INPP4A: variants seen among roughly 807,000 people sequenced by gnomAD.
INPP4A encodes the protein inositol polyphosphate-4-phosphatase, type I, 107kD.
INPP4A carries 33 observed loss-of-function variants against 119.8 expected under a neutral mutation model. That is an observed-to-expected ratio of 0.28 (90% CI 0.21 to 0.37). The LOEUF is 0.37. Among genes scored for constraint, INPP4A ranks in the 10% least tolerant of loss-of-function variants. INPP4A has a pLI of 1.00. For missense variants in INPP4A, 956 were observed against 1,289.9 expected (o/e 0.74, Z 3.97); for synonymous variants, 496 against 500.7 (o/e 0.99, Z 0.12).
chr2:98,562,121 C>T (rs1035707332), intron 17 of INPP4A, among the ~76,000 whole-genome samples: 2 of 152,332 alleles, frequency 1.3e-5, no homozygotes, highest in African/African-American at 2.4e-5. Flanking sequence ...CAGTGTCCTT[C>T]GTCACCATGA....
intron 1 of INPP4A, among the ~76,000 whole-genome samples, chr2:98,501,311 G>GCAA (rs919394304): frequency 1.3e-5 from 2 of 152,074 alleles, no homozygotes; most frequent in Admixed American, 1.3e-4. Context: ...TCCAGCCTGG[G>GCAA]CAACAGAACA....
intron 1 of INPP4A, among the ~76,000 whole-genome samples, chr2:98,454,172 A>G (rs1329778927): frequency 6.6e-6 from 1 of 152,170 alleles, no homozygotes; most frequent in African/African-American, 2.4e-5. Context: ...GCATATTTCT[A>G]CATAAGAGAG....
chr2:98,536,679 C>T (rs554793320), intron 7 of INPP4A, among the ~76,000 whole-genome samples: 66 of 152,310 alleles, frequency 4.3e-4, no homozygotes, highest in African/African-American at 1.5e-3. Flanking sequence ...GATGTCAGTC[C>T]TTCCAAATCA....
chr2:98,541,847 A>G (rs1370584567), intron 10 of INPP4A, among the ~76,000 whole-genome samples: 2 of 152,200 alleles, frequency 1.3e-5, no homozygotes, highest in African/African-American at 4.8e-5. Context: ...GGCCTCTCAA[A>G]AAGCTGGGAT....
intron 16 of INPP4A, 68 bp downstream of exon 16, chr2:98,555,876 G>C (rs920308050): frequency 6.7e-7 from 1 of 1,487,382 alleles, no homozygotes; most frequent in African/African-American, 1.4e-5. Flanking sequence ...ATTTGTCTGT[G>C]TCTCTGACTC....
rs1480901833 is a variant in INPP4A at position 98,533,506 on chromosome 2, G to A, written c.270+11G>A. On this transcript the variant is annotated intron_variant, in intron 5 of 24. Transcript: ENST00000409851. ...ACGGAGATCATTGAGGTGGGTGCTG[G>A]TGGTCTCTCTCTGAGGGGCTGTGGG... 2.6e-6 allele frequency: 4 copies of A among 1,533,402 alleles called. No individual in the cohort carries two copies. Among genetic ancestry groups the A allele is most frequent in the Non-Finnish European group, 3.6e-6 (4 of 1,106,576 alleles). The allele number at this position is 1,533,402 out of a possible 1,614,324, so 95.0% of individuals were successfully genotyped here.
At chr2:98,521,526 C>A (rs1315994900) in intron 4 of INPP4A, 1 of 152,248 alleles carries the variant, frequency 6.6e-6, no homozygotes, top group Admixed American at 6.6e-5. Flanking sequence ...ACAGTTTCCT[C>A]CTGTGCTACG....
chr2:98,573,414 A>G (rs1028651459), intron 23 of INPP4A, among the ~76,000 whole-genome samples: 3 of 152,110 alleles, frequency 2.0e-5, no homozygotes, highest in East Asian at 1.9e-4. Flanking sequence ...TAACAGACCA[A>G]TTTCATAGCT....
At chr2:98,510,504 A>T (rs1394689065) in intron 1 of INPP4A, among the ~76,000 whole-genome samples, 2 of 152,208 alleles carry the variant, frequency 1.3e-5, no homozygotes, top group Non-Finnish European at 2.9e-5. Flanking sequence ...AGACCTGTGG[A>T]TGTTGGGAAG....
At position 98,566,285 on chromosome 2, in the gene INPP4A, C is replaced by A. The variant is rs191064746; in HGVS notation, c.2420+116C>A. ...GGACAGACTTTGTCATCCTTCCTTC[C>A]TTTGGCCAACATTTTCATCATGGCC... On this transcript the variant is annotated intron_variant, in intron 21 of 24. Transcript: ENST00000409851. The surrounding 1 kb of genome is among the most constrained non-coding windows in gnomAD (Gnocchi z 4.2). 3.5e-5 allele frequency: 40 copies of A among 1,151,442 alleles called. No individual in the cohort carries two copies. The highest frequency in any genetic ancestry group is 2.1e-4 in the African/African-American group (13 of 63,232). The allele number at this position is 1,151,442 out of a possible 1,614,324, so 71.3% of individuals were successfully genotyped here.
At chr2:98,574,326 T>G (rs1371498128) in intron 23 of INPP4A, among the ~76,000 whole-genome samples, 1 of 151,994 alleles carries the variant, frequency 6.6e-6, no homozygotes, top group African/African-American at 2.4e-5. Flanking sequence ...AAGCAAGCCT[T>G]TCCCACAGGA....
intron 1 of INPP4A, among the ~76,000 whole-genome samples, chr2:98,498,466 T>C (rs1205198076): frequency 6.6e-6 from 1 of 151,852 alleles, no homozygotes. Flanking sequence ...CAGTCCTGGG[T>C]ATGTCTTTAT....
intron 1 of INPP4A, among the ~76,000 whole-genome samples, chr2:98,475,556 A>G (rs1677036125): frequency 6.6e-6 from 1 of 152,248 alleles, no homozygotes; most frequent in Admixed American, 6.5e-5. Flanking sequence ...AATACATTTA[A>G]TCTGGCTGAA....
At chr2:98,469,167 C>T (rs1345934703) in intron 1 of INPP4A, among the ~76,000 whole-genome samples, 1 of 152,080 alleles carries the variant, frequency 6.6e-6, no homozygotes, top group Non-Finnish European at 1.5e-5. Context: ...TTTGGAGGTA[C>T]AGCTGGGGTG....
chr2:98,522,130 T>C (rs1047695768), intron 4 of INPP4A, among the ~76,000 whole-genome samples: 2 of 151,138 alleles, frequency 1.3e-5, no homozygotes, highest in African/African-American at 4.9e-5. Context: ...TCTACAAAAA[T>C]ACAAAAATTA....
rs549940482 is a variant in INPP4A at position 98,554,047 on chromosome 2, C to T, written c.1348-224C>T. 7.9e-5 allele frequency among the ~76,000 whole-genome samples: 12 copies of T among 152,358 alleles called. No homozygotes were observed. The South Asian group carries it at 2.5e-3, about 32-fold the overall frequency. On this transcript the variant is annotated intron_variant, in intron 14 of 24. Transcript: ENST00000409851. This position sits in a 1 kb window ranked among gnomAD's most constrained non-coding sequence, Gnocchi z 4.7. ...CAGAGATTTCTCAACCTCTTCTCTT[C>T]CTTGGTGGGAAATTCTTGTTAAGAT...
At chr2:98,583,739 A>T (rs1699645117) in intron 24 of INPP4A, among the ~76,000 whole-genome samples, 1 of 152,200 alleles carries the variant, frequency 6.6e-6, no homozygotes, top group Admixed American at 6.5e-5. Flanking sequence ...CCAGTCGACC[A>T]CAAAAGGCAG....
chr2:98,551,659 T>C (rs993918726), intron 13 of INPP4A, among the ~76,000 whole-genome samples: 3 of 152,096 alleles, frequency 2.0e-5, no homozygotes, highest in Non-Finnish European at 2.9e-5. Context: ...GAGGATGTGG[T>C]GAGAGGTGCC....
In INPP4A at chr2:98,594,109, A is replaced by C. The variant is rs183546383; in HGVS notation, c.*6501A>C. 3.5e-4 allele frequency: 53 copies of C among 152,332 alleles called. No individual in the cohort carries two copies. Among genetic ancestry groups the C allele is most frequent in the African/African-American group, 1.2e-3 (50 of 41,572 alleles). The allele number at this position is 152,332 out of a possible 1,614,324, so 9.4% of individuals were successfully genotyped here. On this transcript the variant is annotated 3_prime_UTR_variant, in exon 25 of 25. Coordinates refer to ENST00000409851, the MANE Select transcript of INPP4A (RefSeq NM_001134225.2). ...CAACTGAAATATTTCCTATTTCAGC[A>C]CTGGACCACGCTGTTTTTCTCACTA...
Sources: gnomAD v4.1 joint callset for allele counts (sites outside exome capture counted in the v4.1 genomes callset) on GRCh38, gnomAD v4.1.1 for gene constraint, Gnocchi (gnomAD v3.1) non-coding constraint, MANE v1.5 for transcripts, NCBI Gene and HGNC (gene_info 2026-07-23, HGNC 2026-07-21) for gene names.